SRGAP1: variants seen among roughly 807,000 people sequenced by gnomAD.
SRGAP1 encodes SLIT-ROBO Rho GTPase activating protein 1.
In SRGAP1, 43 loss-of-function variants were observed where a neutral mutation model predicts 121.9. The ratio of observed to expected loss-of-function variants is 0.35; its 90% CI spans 0.28 to 0.46. SRGAP1 has a LOEUF of 0.46. Among genes scored for constraint, SRGAP1 ranks in the 20% least tolerant of loss-of-function variants. SRGAP1 has a pLI of 1.00. For synonymous variants in SRGAP1, 447 were observed against 485.4 expected, an observed-to-expected ratio of 0.92 and a Z score of 1.04; for missense variants, 1,102 against 1,350.9, an observed-to-expected ratio of 0.82 and a Z score of 2.89.
chr12:63,962,128 T>C (rs999891492), intron 1 of SRGAP1, among the ~76,000 whole-genome samples: 2 of 152,208 alleles, frequency 1.3e-5, no homozygotes, highest in African/African-American at 4.8e-5. Flanking sequence ...TGATGGTCAT[T>C]ATTTAGATAT....
intron 1 of SRGAP1, among the ~76,000 whole-genome samples, chr12:63,880,585 G>C (rs896011235): frequency 6.6e-6 from 1 of 152,040 alleles, no homozygotes; most frequent in African/African-American, 2.4e-5. Flanking sequence ...CTTCGTAGCA[G>C]TATGAAAATT....
rs181986376 is a variant in SRGAP1, at chr12:64,017,241, A to C, written c.489+229A>C. 4.4e-3 allele frequency among the ~76,000 whole-genome samples: 673 copies of C among 152,360 alleles called. 10 individuals carry two copies. The highest frequency in any genetic ancestry group is 0.015 in the African/African-American group (634 of 41,586). On this transcript the variant is annotated intron_variant, in intron 4 of 21. Coordinates refer to ENST00000355086, the MANE Select transcript of SRGAP1 (RefSeq NM_020762.4). ...TATCTATCTACCTATCTGTCTGTCTACGTACACATGTATATACACAATTAG... is the reference window on the plus strand; with the variant it reads ...TATCTATCTACCTATCTGTCTGTCTCCGTACACATGTATATACACAATTAG...
At chr12:63,991,816 T>G (rs969393013) in intron 3 of SRGAP1, among the ~76,000 whole-genome samples, 2 of 152,222 alleles carry the variant, frequency 1.3e-5, no homozygotes, top group African/African-American at 4.8e-5. Context: ...GTAACTCTAC[T>G]GAGTTCATTT....
At chr12:63,900,187 T>C (rs1900890223) in intron 1 of SRGAP1, among the ~76,000 whole-genome samples, 1 of 41,234 alleles carries the variant, frequency 2.4e-5, no homozygotes, top group African/African-American at 9.5e-5. Context: ...TGCTTTTTTC[T>C]TTTTCTTTTT....
chr12:64,134,874 C>T (rs1055950132), intron 21 of SRGAP1, among the ~76,000 whole-genome samples: 1 of 152,120 alleles, frequency 6.6e-6, no homozygotes, highest in African/African-American at 2.4e-5. Flanking sequence ...GTGTGGCACA[C>T]CTCTTCATGG....
chr12:63,885,883 C>A (rs1307939784), intron 1 of SRGAP1, among the ~76,000 whole-genome samples: 1 of 152,184 alleles, frequency 6.6e-6, no homozygotes, highest in African/African-American at 2.4e-5. Flanking sequence ...GACCAACTTT[C>A]ACTTTTCTCC....
chr12:63,916,002 G>T (rs1323067699), intron 1 of SRGAP1, among the ~76,000 whole-genome samples: 1 of 150,482 alleles, frequency 6.6e-6, no homozygotes, highest in East Asian at 2.0e-4. Context: ...GAAGCAAAAT[G>T]CTCAGAAATG....
chr12:64,067,291 T>C (rs1029559979), intron 8 of SRGAP1, among the ~76,000 whole-genome samples: 1 of 152,174 alleles, frequency 6.6e-6, no homozygotes, highest in African/African-American at 2.4e-5. Flanking sequence ...TTTTTAAAAA[T>C]TATCTAAAGA....
At chr12:64,071,136 G>A (rs927585617) in intron 8 of SRGAP1, among the ~76,000 whole-genome samples, 1 of 152,114 alleles carries the variant, frequency 6.6e-6, no homozygotes, top group African/African-American at 2.4e-5. Context: ...ATTAAAAATA[G>A]GATCAACCGT....
intron 3 of SRGAP1, among the ~76,000 whole-genome samples, chr12:64,000,590 G>A (rs1322915449): frequency 1.3e-5 from 2 of 152,198 alleles, no homozygotes; most frequent in Non-Finnish European, 2.9e-5. Context: ...TCTGGCCTGG[G>A]CATCAGAGTG....
intron 1 of SRGAP1, among the ~76,000 whole-genome samples, chr12:63,899,847 T>C (rs1451186328): frequency 1.3e-5 from 2 of 152,244 alleles, no homozygotes; most frequent in Non-Finnish European, 2.9e-5. Flanking sequence ...TAAGTTTAAA[T>C]AGAAGCTATG....
Position 64,042,856 on chromosome 12 carries a change from G to A in SRGAP1, c.556G>A (p.Glu186Lys), listed in dbSNP as rs141758307. 46 of 1,613,584 alleles carry A rather than the reference G, an allele frequency of 2.9e-5. No individual in the cohort carries two copies. The highest frequency in any genetic ancestry group is 3.3e-4 in the Middle Eastern group (2 of 6,082). ...ISAESKLKEA[E>K]KQEEKQIGRS... ...TGCAGAGAGCAAGCTGAAAGAGGCC[G>A]AAAAACAAGAGGAAAAGCAAATTGG... The change falls in exon 5 of 22, where the codon GAA becomes AAA. Residue 186 changes from glutamate to lysine, a missense_variant. Physicochemically the swap from Glu to Lys is moderately conservative, Grantham distance 56. Around this residue, in one of 3 missense-constraint regions of SRGAP1, gnomAD observed 747 missense variants for 929.4 expected, o/e 0.80. Coordinates refer to ENST00000355086, the MANE Select transcript of SRGAP1 (RefSeq NM_020762.4).
At chr12:64,129,395 C>T (rs115181528) in intron 21 of SRGAP1, among the ~76,000 whole-genome samples, 174 of 152,272 alleles carry the variant, frequency 1.1e-3, no homozygotes, top group African/African-American at 3.9e-3. Flanking sequence ...GCTTTATGTT[C>T]ACTGGCAGTT....
Position 64,148,608 on chromosome 12 carries a change from A to C in SRGAP1, c.*5936A>C, listed in dbSNP as rs1474909249. The C allele has an allele frequency of 6.6e-6, 1 of 152,178 alleles. No individual in the cohort carries two copies. The highest frequency in any genetic ancestry group is 1.5e-5 in the Non-Finnish European group (1 of 68,044). 9.4% of individuals were successfully genotyped at this position (152,178 alleles called of 1,614,324 possible). Reference sequence around the variant, plus strand: ...CCAGGTATTTTTCTTTAAATATAAAAAAAAGATAACTTGAGGTCTAGCAAT... The same window carrying C: ...CCAGGTATTTTTCTTTAAATATAAACAAAAGATAACTTGAGGTCTAGCAAT... On this transcript the variant is annotated 3_prime_UTR_variant, in exon 22 of 22. Transcript: ENST00000355086.
chr12:64,161,513 A>AT lies in SRGAP1; in HGVS notation c.*18848dup, dbSNP rs1199743971. ...AGCTCTTTTTGTGAGCTGGCTGTTCATTTTTTTATAGAATCCTGTCCTTAT... is the reference window on the plus strand; with the variant it reads ...AGCTCTTTTTGTGAGCTGGCTGTTCATTTTTTTTATAGAATCCTGTCCTTAT... On this transcript the variant is annotated 3_prime_UTR_variant, in exon 22 of 22. Transcript: ENST00000355086. The AT allele has an allele frequency of 6.6e-6, 1 of 151,830 alleles. No homozygotes were observed. Among genetic ancestry groups the AT allele is most frequent in the Non-Finnish European group, 1.5e-5 (1 of 67,944 alleles). The allele number at this position is 151,830 out of a possible 1,614,324, so 9.4% of individuals were successfully genotyped here.
chr12:63,845,977 T>A (rs1898890387), intron 1 of SRGAP1, among the ~76,000 whole-genome samples: 1 of 152,170 alleles, frequency 6.6e-6, no homozygotes, highest in African/African-American at 2.4e-5. Context: ...GTGGTCAAGT[T>A]GTAAAAATGC....
At chr12:64,109,100 T>C in intron 16 of SRGAP1, 63 bp downstream of exon 16, 1 of 1,123,076 alleles carries the variant, frequency 8.9e-7, no homozygotes, top group Non-Finnish European at 1.2e-6. Flanking sequence ...TTCGATCCTG[T>C]AAAATGTACG....
chr12:63,935,013 CAA>C (rs560864993), intron 1 of SRGAP1, among the ~76,000 whole-genome samples: 146 of 152,278 alleles, frequency 9.6e-4, no homozygotes, highest in African/African-American at 3.3e-3. Flanking sequence ...GTCATTAGGA[CAA>C]AAAGTCTTAA....
At position 63,984,031 on chromosome 12, in the gene SRGAP1, A is replaced by T; in HGVS notation, c.152A>T (p.Asp51Val). 1 of 1,568,476 alleles carries T rather than the reference A, an allele frequency of 6.4e-7. No homozygotes were observed. The highest frequency in any genetic ancestry group is 8.7e-7 in the Non-Finnish European group (1 of 1,151,966). ...MRVQLLQDLQ[D>V]FFRKKAEIET... ...GTTCAGCTTCTCCAGGATCTGCAAG[A>T]TTTCTTCCGAAAAAAAGCTGAAATT... The change falls in exon 2 of 22, where the codon GAT (aspartate) becomes GTT (valine). Residue 51 changes from aspartate to valine, a missense_variant. Around this residue, in one of 3 missense-constraint regions of SRGAP1, gnomAD observed 747 missense variants for 929.4 expected, o/e 0.80. Coordinates refer to ENST00000355086, the MANE Select transcript of SRGAP1 (RefSeq NM_020762.4).
Sources: gnomAD v4.1 joint callset for allele counts (sites outside exome capture counted in the v4.1 genomes callset) on GRCh38, gnomAD v4.1.1 for gene constraint, gnomAD v4.1.1 regional missense constraint, MANE v1.5 for transcripts, NCBI Gene and HGNC (gene_info 2026-07-23, HGNC 2026-07-21) for gene names.